Variants in HS6ST3 observed in about 807,000 individuals in gnomAD.
HS6ST3 encodes heparan-sulfate 6-O-sulfotransferase 3.
HS6ST3 carries 12 observed loss-of-function variants against 36.7 expected under a neutral mutation model. The ratio of observed to expected loss-of-function variants is 0.33; its 90% CI spans 0.21 to 0.53. The LOEUF is 0.53. Among genes scored for constraint, HS6ST3 ranks in the 20% least tolerant of loss-of-function variants. The pLI, the probability that HS6ST3 is intolerant of heterozygous loss-of-function variation, is 0.95. For missense variants in HS6ST3, 584 were observed against 640.9 expected, an observed-to-expected ratio of 0.91 and a Z score of 0.96; for synonymous variants, 240 against 257.5, an observed-to-expected ratio of 0.93 and a Z score of 0.65.
intron 1 of HS6ST3, among the ~76,000 whole-genome samples, chr13:96,288,042 T>C (rs968727927): frequency 6.6e-6 from 1 of 152,114 alleles, no homozygotes; most frequent in Non-Finnish European, 1.5e-5. Context: ...TCAACTTCAT[T>C]TGGGAACTTG....
intron 1 of HS6ST3, among the ~76,000 whole-genome samples, chr13:96,305,342 T>C (rs2139406086): frequency 6.6e-6 from 1 of 152,350 alleles, no homozygotes; most frequent in Admixed American, 6.5e-5. Flanking sequence ...ATCTTTATAT[T>C]CTTTGATAGG....
In HS6ST3 at chr13:96,397,132, G is replaced by C. The variant is rs2055426197; in HGVS notation, c.707+305563G>C. Among the ~76,000 whole-genome samples, 3 of 152,206 alleles carry C rather than the reference G, an allele frequency of 2.0e-5. No individual in the cohort carries two copies. In the South Asian group the frequency reaches 6.2e-4, roughly 32 times the overall value. On this transcript the variant is annotated intron_variant, in intron 1 of 1. Coordinates refer to ENST00000376705, the MANE Select transcript of HS6ST3 (RefSeq NM_153456.4). ...GGCAGGAGAATCGCTTGAACCCAGG[G>C]GCAGAGGTTGCAGTGAGCGGAGATC...
At position 96,091,548 on chromosome 13, in the gene HS6ST3, C is replaced by T; in HGVS notation, c.686C>T (p.Pro229Leu). 1 of 1,582,704 alleles carries T rather than the reference C, an allele frequency of 6.3e-7. No homozygotes were observed. The highest frequency in any genetic ancestry group is 1.3e-5 in the African/African-American group (1 of 74,470). The change falls in exon 1 of 2, where the codon CCC becomes CTC. Residue 229 changes from proline (P) to leucine (L), a missense_variant. Physicochemically the swap from Pro to Leu is moderately conservative, Grantham distance 98 (BLOSUM62 -3). This residue lies in a region of HS6ST3 where 360 missense variants were observed against 411.3 expected (regional missense o/e 0.88). Coordinates refer to ENST00000376705, the MANE Select transcript of HS6ST3 (RefSeq NM_153456.4). ...GCCATCATGGAGAAGAAGGACTGTC[C>T]CCGCAACCACAGCCACACCAGGTAC... ...VPAIMEKKDCPRNHSHTRNFY... is the reference protein window; with the variant it reads ...VPAIMEKKDCLRNHSHTRNFY...
intron 1 of HS6ST3, among the ~76,000 whole-genome samples, chr13:96,318,732 C>T (rs7991843): frequency 0.36 from 54,468 of 151,740 alleles, 10,074 homozygotes; most frequent in African/African-American, 0.42. Context: ...GCTTTCTATT[C>T]GGTTCCATTG....
At chr13:96,286,510 C>A (rs1229662885) in intron 1 of HS6ST3, among the ~76,000 whole-genome samples, 1 of 152,144 alleles carries the variant, frequency 6.6e-6, no homozygotes, top group African/African-American at 2.4e-5. Context: ...CTTCAAAACA[C>A]AGATGAATAG....
At chr13:96,144,907 T>C (rs9516638) in intron 1 of HS6ST3, among the ~76,000 whole-genome samples, 121,425 of 147,854 alleles carry the variant, frequency 0.82, 50,210 homozygotes, top group East Asian at 0.91. Context: ...GTTTGGTTTT[T>C]TGTCCTTGCG....
chr13:96,824,038 A>G (rs1413870608), intron 1 of HS6ST3, among the ~76,000 whole-genome samples: 1 of 152,206 alleles, frequency 6.6e-6, no homozygotes, highest in Non-Finnish European at 1.5e-5. Flanking sequence ...AATCTAAACT[A>G]TTCTTCCTTT....
rs572328321 is a variant in HS6ST3, at chr13:96,620,507, T to C, written c.708-211983T>C. ...TACCCAGGCCTTGAACATCTGACTT[T>C]CATTTCATAGTTCAAGGTTGAAGCC... On this transcript the variant is annotated intron_variant, in intron 1 of 1. Transcript: ENST00000376705. 5.9e-5 allele frequency among the ~76,000 whole-genome samples: 9 copies of C among 152,308 alleles called. No individual in the cohort carries two copies. In the East Asian group the frequency reaches 1.7e-3, roughly 29 times the overall value.
intron 1 of HS6ST3, among the ~76,000 whole-genome samples, chr13:96,735,681 G>A (rs188600204): frequency 1.4e-3 from 212 of 152,148 alleles, no homozygotes; most frequent in Middle Eastern, 3.4e-3. Context: ...GTGCTCTTTT[G>A]TATCATATAC....
intron 1 of HS6ST3, among the ~76,000 whole-genome samples, chr13:96,742,412 A>G (rs1455071441): frequency 6.6e-6 from 1 of 152,212 alleles, no homozygotes; most frequent in East Asian, 1.9e-4. Context: ...ATTCAGCTAT[A>G]TTCTAAGTGA....
At chr13:96,286,076 C>T (rs961513983) in intron 1 of HS6ST3, among the ~76,000 whole-genome samples, 2 of 149,108 alleles carry the variant, frequency 1.3e-5, no homozygotes, top group African/African-American at 4.9e-5. Flanking sequence ...ACTTCCTCCT[C>T]TCTCTTTCTC....
chr13:96,457,029 G>A (rs1355637954), intron 1 of HS6ST3, among the ~76,000 whole-genome samples: 3 of 152,090 alleles, frequency 2.0e-5, no homozygotes, highest in Non-Finnish European at 4.4e-5. Flanking sequence ...TTTTAATGCA[G>A]TAGTAAAATA....
intron 1 of HS6ST3, among the ~76,000 whole-genome samples, chr13:96,679,210 G>A (rs1274910614): frequency 6.6e-6 from 1 of 150,900 alleles, no homozygotes; most frequent in African/African-American, 2.4e-5. Context: ...TAGGGCCAAT[G>A]CTTATCTCTG....
At chr13:96,378,004 G>A (rs1183076018) in intron 1 of HS6ST3, among the ~76,000 whole-genome samples, 1 of 152,122 alleles carries the variant, frequency 6.6e-6, no homozygotes, top group Non-Finnish European at 1.5e-5. Context: ...GGAATTGATC[G>A]AGTGACGTCA....
chr13:96,296,669 A>T (rs892259096), intron 1 of HS6ST3, among the ~76,000 whole-genome samples: 2 of 152,146 alleles, frequency 1.3e-5, no homozygotes, highest in African/African-American at 4.8e-5. Context: ...GATCCTGATT[A>T]TGTTACCCTG....
At chr13:96,648,592 A>G (rs1443631963) in intron 1 of HS6ST3, among the ~76,000 whole-genome samples, 1 of 151,420 alleles carries the variant, frequency 6.6e-6, no homozygotes, top group African/African-American at 2.4e-5. Context: ...CTATCAACCC[A>G]TCACCTAGGT....
At chr13:96,375,563 A>G (rs2055310739) in intron 1 of HS6ST3, among the ~76,000 whole-genome samples, 1 of 152,228 alleles carries the variant, frequency 6.6e-6, no homozygotes, top group Non-Finnish European at 1.5e-5. Flanking sequence ...CACAGTCTCT[A>G]ACTTCAAGCC....
At chr13:96,149,676 C>T (rs907229178) in intron 1 of HS6ST3, among the ~76,000 whole-genome samples, 1 of 152,088 alleles carries the variant, frequency 6.6e-6, no homozygotes, top group African/African-American at 2.4e-5. Context: ...TTTACACAAT[C>T]CTCCCCTATA....
chr13:96,294,049 T>C (rs2054842893), intron 1 of HS6ST3, among the ~76,000 whole-genome samples: 1 of 152,078 alleles, frequency 6.6e-6, no homozygotes, highest in African/African-American at 2.4e-5. Context: ...GGAATGACAT[T>C]ACGTTTCTTG....
Sources: allele counts gnomAD v4.1 joint callset (sites outside exome capture counted in the v4.1 genomes callset), GRCh38; gene constraint gnomAD v4.1.1; regional missense constraint gnomAD v4.1.1; transcripts MANE v1.5; gene names NCBI Gene and HGNC (gene_info 2026-07-23, HGNC 2026-07-21).